Variants in TF observed in about 807,000 individuals in gnomAD.
TF encodes transferrin, also known as serotransferrin.
In TF, 55 loss-of-function variants were observed where a neutral mutation model predicts 82.4. That is an observed-to-expected ratio of 0.67 (90% CI 0.54 to 0.84). TF has a LOEUF of 0.84. Among genes scored for constraint, TF ranks in the 40% least tolerant of loss-of-function variants. The pLI, the probability that TF is intolerant of heterozygous loss-of-function variation, is 0.00. For synonymous variants in TF, 332 were observed against 332.6 expected, an observed-to-expected ratio of 1.00 and a Z score of 0.02; for missense variants, 737 against 868.4, an observed-to-expected ratio of 0.85 and a Z score of 1.90.
In TF at chr3:133,766,435, T is replaced by C; in HGVS notation, c.1486+2T>C. 6.2e-7 allele frequency: 1 copy of C among 1,613,938 alleles called. No individual in the cohort carries two copies. Among genetic ancestry groups the C allele is most frequent in the South Asian group, 1.1e-5 (1 of 91,066 alleles). The stretch of plus-strand genomic sequence containing the variant: ...ATAAGATCAACCACTGCAGATTTGG[T>C]GAGTGAATATTGGGAAGGAGGGCTG... On this transcript the variant is annotated splice_donor_variant, in intron 12 of 16. Transcript: ENST00000402696. LOFTEE classifies it high-confidence loss of function.
the TF span, among the ~76,000 whole-genome samples, chr3:133,683,495 G>T: frequency 2.6e-5 from 4 of 152,054 alleles, no homozygotes; most frequent in African/African-American, 9.7e-5. Flanking sequence ...AAAATAAAGG[G>T]CTGGAGGAAG....
At chr3:133,733,253 C>A in the TF span, among the ~76,000 whole-genome samples, 1 of 147,532 alleles carries the variant, frequency 6.8e-6, no homozygotes, top group Non-Finnish European at 1.5e-5. Context: ...CATCTACTAT[C>A]TCACCTGGGA....
At chr3:133,755,541 T>A (rs747766294) in intron 5 of TF, 46 bp downstream of exon 5, 13 of 1,612,222 alleles carry the variant, frequency 8.1e-6, no homozygotes, top group Non-Finnish European at 1.0e-5. Flanking sequence ...GTGCCAAATG[T>A]CCTCAGGGTG....
At chr3:133,765,964 T>C (rs544706299) in intron 11 of TF, among the ~76,000 whole-genome samples, 1 of 152,380 alleles carries the variant, frequency 6.6e-6, no homozygotes, top group South Asian at 2.1e-4. Flanking sequence ...CAGTATCCAT[T>C]CCTCTGATAG....
At position 133,786,370 on chromosome 3, in the gene TF, G is replaced by T. The variant is rs973798654; in HGVS notation, c.*7750G>T. The T allele has an allele frequency of 6.6e-6, 1 of 151,630 alleles. No individual in the cohort carries two copies. Among genetic ancestry groups the T allele is most frequent in the African/African-American group, 2.4e-5 (1 of 41,328 alleles). The allele number at this position is 151,630 out of a possible 1,614,324, so 9.4% of individuals were successfully genotyped here. On this transcript the variant is annotated 3_prime_UTR_variant, in exon 17 of 17. Transcript: ENST00000402696. ...TTCATATGTAATGTTGTTTTGGTTGGGGGGGGTGGCCAAACCACCTGTTAA... is the reference window on the plus strand; with the variant it reads ...TTCATATGTAATGTTGTTTTGGTTGTGGGGGGTGGCCAAACCACCTGTTAA...
rs147797836 is a variant in TF at position 133,770,937 on chromosome 3, G to A, written c.1687+365G>A. ...ATTATGTGGATTTAATACTCGTCACGTCCACAGTCCACATTTAACTGTTGT... is the reference window on the plus strand; with the variant it reads ...ATTATGTGGATTTAATACTCGTCACATCCACAGTCCACATTTAACTGTTGT... On this transcript the variant is annotated intron_variant, in intron 14 of 16. Coordinates refer to ENST00000402696, the MANE Select transcript of TF (RefSeq NM_001063.4). The A allele has an allele frequency of 3.4e-3, 1,064 of 312,102 alleles. 2 individuals carry two copies. The highest frequency in any genetic ancestry group is 5.2e-3 in the Non-Finnish European group (849 of 164,160). The allele number at this position is 312,102 out of a possible 1,614,324, so 19.3% of individuals were successfully genotyped here.
chr3:133,742,338 T>A (rs528783777), upstream of TF, among the ~76,000 whole-genome samples: 1 of 152,186 alleles, frequency 6.6e-6, no homozygotes, highest in East Asian at 1.9e-4. Flanking sequence ...CTATTCTTCA[T>A]GAGACAGGTA....
the TF span, among the ~76,000 whole-genome samples, chr3:133,720,330 C>T: frequency 6.6e-6 from 1 of 152,028 alleles, no homozygotes. Context: ...TTATCAATGC[C>T]TTTTTTGTGT....
Position 133,782,792 on chromosome 3 carries a change from C to CAAAAA in TF, c.*4185_*4189dup, listed in dbSNP as rs55774134. 9.7e-6 allele frequency: 1 copy of CAAAAA among 103,022 alleles called. No homozygotes were observed. The highest frequency in any genetic ancestry group is 3.8e-5 in the African/African-American group (1 of 26,044). 6.4% of individuals were successfully genotyped at this position (103,022 alleles called of 1,614,324 possible). ...GCAACATGACAAAACCCCATCTCTG[C>CAAAAA]AAAAAAAAAAAAAAAAACAAAAAAA... is the stretch of plus-strand genomic sequence containing the variant. On this transcript the variant is annotated 3_prime_UTR_variant, in exon 17 of 17. Coordinates refer to ENST00000402696, the MANE Select transcript of TF (RefSeq NM_001063.4).
At chr3:133,711,599 C>A in the TF span, among the ~76,000 whole-genome samples, 1 of 152,134 alleles carries the variant, frequency 6.6e-6, no homozygotes, top group Non-Finnish European at 1.5e-5. Context: ...ATCTCCCTCC[C>A]CTTTGTGCTC....
the TF span, among the ~76,000 whole-genome samples, chr3:133,736,637 A>AGAAAAAAAAAAAAAAAAAAAC: frequency 6.9e-6 from 1 of 145,428 alleles, no homozygotes; most frequent in Non-Finnish European, 1.5e-5. Flanking sequence ...AAGCCAAAAA[A>AGAAAAAAAAAAAAAAAAAAAC]AAAAAAAAAA....
At chr3:133,722,612 A>G in the TF span, among the ~76,000 whole-genome samples, 1 of 152,132 alleles carries the variant, frequency 6.6e-6, no homozygotes, top group Non-Finnish European at 1.5e-5. Flanking sequence ...TCAGTCTTGT[A>G]AGTATAATAG....
At chr3:133,723,096 T>G in the TF span, among the ~76,000 whole-genome samples, 31 of 152,300 alleles carry the variant, frequency 2.0e-4, no homozygotes, top group African/African-American at 7.5e-4. Context: ...TTTGAATATG[T>G]CATGCCATTC....
the TF span, among the ~76,000 whole-genome samples, chr3:133,725,121 A>T: frequency 6.6e-6 from 1 of 152,176 alleles, no homozygotes; most frequent in Non-Finnish European, 1.5e-5. Context: ...TTGGCTTAGG[A>T]TTGACTTGGC....
chr3:133,753,926 A>G, intron 3 of TF: 2 of 628,170 alleles, frequency 3.2e-6, no homozygotes, highest in Non-Finnish European at 5.7e-6. Context: ...GCCCTGGGCC[A>G]GGGGCATATG....
At position 133,766,321 on chromosome 3, in the gene TF, C is replaced by T. The variant is rs1324997366; in HGVS notation, c.1374C>T (p.Leu458=). Residue 458 remains leucine (L), a synonymous_variant, in exon 12 of 17, where the codon CTC becomes CTT. Coordinates refer to ENST00000402696, the MANE Select transcript of TF (RefSeq NM_001063.4). ...IAVVKKSASD[L]TWDNLKGKKS... Reference sequence around the variant, plus strand: ...TGGTGAAGAAATCAGCTTCTGACCTCACCTGGGACAATCTGAAAGGCAAGA... The same window carrying T: ...TGGTGAAGAAATCAGCTTCTGACCTTACCTGGGACAATCTGAAAGGCAAGA... 3 of 1,614,196 alleles carry T rather than the reference C, an allele frequency of 1.9e-6. No homozygotes were observed. Among genetic ancestry groups the T allele is most frequent in the Non-Finnish European group, 1.7e-6 (2 of 1,180,020 alleles).
the TF span, chr3:133,712,882 A>G: frequency 1.3e-5 from 2 of 152,658 alleles, no homozygotes; most frequent in African/African-American, 2.4e-5. Context: ...CCATCATCCC[A>G]GCATCTGGCT....
At chr3:133,702,445 G>C in the TF span, among the ~76,000 whole-genome samples, 6 of 151,942 alleles carry the variant, frequency 3.9e-5, no homozygotes, top group South Asian at 1.3e-3. Context: ...TATTTTTTCT[G>C]GTTATAAAAT....
At chr3:133,758,416 T>G (rs561609908) in intron 8 of TF, among the ~76,000 whole-genome samples, 3 of 152,252 alleles carry the variant, frequency 2.0e-5, no homozygotes, top group African/African-American at 2.4e-5. Context: ...ATTGAACATC[T>G]AGCCATATGC....
Sources: allele counts gnomAD v4.1 joint callset (sites outside exome capture counted in the v4.1 genomes callset), GRCh38; gene constraint gnomAD v4.1.1; transcripts MANE v1.5; gene names NCBI Gene and HGNC (gene_info 2026-07-23, HGNC 2026-07-21).